The following EXOC6B variants were observed in gnomAD, a reference collection of about 807,000 sequenced individuals.
The protein encoded by EXOC6B is SEC15 homolog B.
EXOC6B carries 54 observed loss-of-function variants against 113.5 expected under a neutral mutation model. The ratio of observed to expected loss-of-function variants is 0.48; its 90% CI spans 0.38 to 0.60. The LOEUF is 0.60. Among genes scored for constraint, EXOC6B ranks in the 20% least tolerant of loss-of-function variants. The pLI is 0.00. For synonymous variants in EXOC6B, 357 were observed against 339.0 expected (o/e 1.05, Z -0.58); for missense variants, 797 against 977.5 (o/e 0.82, Z 2.46).
chr2:72,353,198 A>G (rs1365387410), intron 19 of EXOC6B, among the ~76,000 whole-genome samples: 1 of 152,146 alleles, frequency 6.6e-6, no homozygotes, highest in Non-Finnish European at 1.5e-5. Flanking sequence ...ATGGCCACAC[A>G]CTGCCCTTGA....
intron 6 of EXOC6B, among the ~76,000 whole-genome samples, chr2:72,617,659 C>T (rs1231717418): frequency 2.7e-5 from 4 of 150,592 alleles, no homozygotes; most frequent in African/African-American, 4.9e-5. Flanking sequence ...ATTACAGGTG[C>T]CCACCACACC....
intron 19 of EXOC6B, among the ~76,000 whole-genome samples, chr2:72,352,577 C>T (rs1689717769): frequency 6.6e-6 from 1 of 151,456 alleles, no homozygotes; most frequent in African/African-American, 2.4e-5. Context: ...TACTGTAATA[C>T]TAGAAGTAGA....
chr2:72,450,711 T>C (rs1696860210), intron 18 of EXOC6B, among the ~76,000 whole-genome samples: 1 of 152,214 alleles, frequency 6.6e-6, no homozygotes, highest in Non-Finnish European at 1.5e-5. Flanking sequence ...AAAATAATTG[T>C]GTTACATTCA....
intron 6 of EXOC6B, among the ~76,000 whole-genome samples, chr2:72,681,982 T>C (rs1676737455): frequency 6.9e-6 from 1 of 144,322 alleles, no homozygotes; most frequent in Non-Finnish European, 1.5e-5. Context: ...CATAAAGTTA[T>C]TTCTAACCAG....
chr2:72,641,735 C>T (rs185352136), intron 6 of EXOC6B, among the ~76,000 whole-genome samples: 1 of 152,212 alleles, frequency 6.6e-6, no homozygotes, highest in Admixed American at 6.5e-5. Flanking sequence ...GTGTCTGAGC[C>T]CTGAGAACAG....
intron 20 of EXOC6B, among the ~76,000 whole-genome samples, chr2:72,286,500 G>A (rs2104691911): frequency 6.6e-6 from 1 of 152,280 alleles, no homozygotes; most frequent in Non-Finnish European, 1.5e-5. Flanking sequence ...GGGGCAAGAA[G>A]GGAATGAAGA....
intron 17 of EXOC6B, among the ~76,000 whole-genome samples, chr2:72,471,546 T>C (rs1698412310): frequency 6.6e-6 from 1 of 152,206 alleles, no homozygotes; most frequent in Non-Finnish European, 1.5e-5. Flanking sequence ...CCCATGCCTA[T>C]GTCCTGAATG....
At chr2:72,622,887 G>A (rs890672831) in intron 6 of EXOC6B, among the ~76,000 whole-genome samples, 4 of 152,062 alleles carry the variant, frequency 2.6e-5, no homozygotes, top group Non-Finnish European at 5.9e-5. Context: ...TATTCTGTTG[G>A]TAGAACTATA....
intron 20 of EXOC6B, among the ~76,000 whole-genome samples, chr2:72,327,001 T>C (rs1285671262): frequency 6.6e-6 from 1 of 151,964 alleles, no homozygotes; most frequent in African/African-American, 2.4e-5. Context: ...TGGGGAAATA[T>C]GTCAAAAGCC....
At chr2:72,764,114 T>C (rs1682913525) in intron 1 of EXOC6B, among the ~76,000 whole-genome samples, 1 of 151,942 alleles carries the variant, frequency 6.6e-6, no homozygotes, top group Admixed American at 6.6e-5. Flanking sequence ...AAAGATAATA[T>C]TGCCATTTTC....
intron 19 of EXOC6B, among the ~76,000 whole-genome samples, chr2:72,346,722 T>A (rs1321843074): frequency 1.3e-5 from 2 of 152,180 alleles, no homozygotes; most frequent in Non-Finnish European, 2.9e-5. Flanking sequence ...AATCAGTAAT[T>A]TTTGCAATAT....
At chr2:72,220,702 A>G (rs550099917) in intron 20 of EXOC6B, among the ~76,000 whole-genome samples, 7 of 152,336 alleles carry the variant, frequency 4.6e-5, no homozygotes, top group East Asian at 1.9e-4. Context: ...AATTTACTTT[A>G]TAAGAAAAAA....
intron 7 of EXOC6B, among the ~76,000 whole-genome samples, chr2:72,570,535 T>C (rs1319187676): frequency 6.6e-6 from 1 of 152,220 alleles, no homozygotes; most frequent in Non-Finnish European, 1.5e-5. Flanking sequence ...AAATCTGACA[T>C]GAATCATTTG....
chr2:72,249,408 C>T (rs1253653429), intron 20 of EXOC6B, among the ~76,000 whole-genome samples: 2 of 152,116 alleles, frequency 1.3e-5, no homozygotes, highest in Non-Finnish European at 2.9e-5. Context: ...GCGCCCGCCA[C>T]TACACCCGGC....
intron 1 of EXOC6B, among the ~76,000 whole-genome samples, chr2:72,741,792 C>A (rs569023991): frequency 2.6e-4 from 39 of 152,168 alleles, no homozygotes; most frequent in Non-Finnish European, 4.7e-4. Context: ...ATTCAACTAT[C>A]CAATTGCTCC....
chr2:72,505,284 G>C (rs1700539407), intron 11 of EXOC6B, among the ~76,000 whole-genome samples: 1 of 151,944 alleles, frequency 6.6e-6, no homozygotes. Flanking sequence ...CCTCCATCAT[G>C]ACAGTCAGCT....
Position 72,382,211 on chromosome 2 carries a change from G to C in EXOC6B, c.1981-2341C>G, listed in dbSNP as rs528269582. On this transcript the variant is annotated intron_variant, in intron 18 of 21. Transcript: ENST00000272427. ...GACAGGCACCTCCAAAGAAAAACAG[G>C]GTTCAACATAATGGTCTGGCTATGC... Among the ~76,000 whole-genome samples the C allele has an allele frequency of 9.2e-5, 14 of 152,232 alleles. No homozygotes were observed. In the East Asian group the frequency reaches 1.4e-3, roughly 15 times the overall value.
chr2:72,455,055 G>A (rs1015316797), intron 18 of EXOC6B, among the ~76,000 whole-genome samples: 1 of 151,386 alleles, frequency 6.6e-6, no homozygotes, highest in Non-Finnish European at 1.5e-5. Flanking sequence ...ACTCCATCAG[G>A]GAAAACGAAA....
At chr2:72,494,047 A>T (rs1247464072) in intron 15 of EXOC6B, among the ~76,000 whole-genome samples, 1 of 152,160 alleles carries the variant, frequency 6.6e-6, no homozygotes, top group Non-Finnish European at 1.5e-5. Context: ...AGTAAAAGGC[A>T]TCTAGCTTTT....
Sources: allele counts gnomAD v4.1 joint callset (sites outside exome capture counted in the v4.1 genomes callset), GRCh38; gene constraint gnomAD v4.1.1; transcripts MANE v1.5; gene names NCBI Gene and HGNC (gene_info 2026-07-23, HGNC 2026-07-21).